The following DNAJB1 variants were observed in gnomAD, a reference collection of about 807,000 sequenced individuals.
DNAJB1 encodes DnaJ heat shock protein family (Hsp40) member B1, also known as dnaJ homolog subfamily B member 1.
A neutral mutation model predicts 24.0 loss-of-function variants in DNAJB1; 14 were observed. That is an observed-to-expected ratio of 0.58 (90% confidence interval 0.39 to 0.91). The LOEUF (loss-of-function observed/expected upper bound fraction) is 0.91. Ranked by LOEUF, DNAJB1 falls within the 40% of genes least tolerant of loss-of-function variation. The probability of loss-of-function intolerance (pLI) is 0.00; values close to 1 mark genes in which losing one functional copy is unlikely to be tolerated. For missense variants in DNAJB1, 517 were observed against 458.1 expected, an observed-to-expected ratio of 1.13 and a Z score of -1.17; for synonymous variants, 262 against 174.4, an observed-to-expected ratio of 1.50 and a Z score of -3.96.
At chr19:14,549,421 C>A (rs953423776) in intron 1 of DNAJB1, among the ~76,000 whole-genome samples, 1 of 152,066 alleles carries the variant, frequency 6.6e-6, no homozygotes, top group South Asian at 2.1e-4. Flanking sequence ...CCATATTGGC[C>A]AGGCTAGTCT....
intron 1 of DNAJB1, among the ~76,000 whole-genome samples, chr19:14,550,032 G>T (rs187548315): frequency 6.6e-6 from 1 of 151,554 alleles, no homozygotes; most frequent in Admixed American, 6.6e-5. Context: ...TTTCCATGTC[G>T]CACGTCACCT....
At chr19:14,535,915 G>C (rs948714552) in intron 1 of DNAJB1, among the ~76,000 whole-genome samples, 63 of 151,988 alleles carry the variant, frequency 4.1e-4, no homozygotes, top group Non-Finnish European at 7.9e-4. Context: ...GCTTTGAGCA[G>C]ATGGTGACTC....
chr19:14,529,500 G>T (rs956376335), upstream of DNAJB1: 1 of 730,114 alleles, frequency 1.4e-6, no homozygotes, highest in Non-Finnish European at 2.5e-6. Context: ...GTTCGGACCG[G>T]CCCCAAGGAG....
At chr19:14,538,897 A>G (rs2072999092) in intron 1 of DNAJB1, among the ~76,000 whole-genome samples, 1 of 151,896 alleles carries the variant, frequency 6.6e-6, no homozygotes, top group Non-Finnish European at 1.5e-5. Flanking sequence ...ATGTCAAATC[A>G]TATGCCCAGA....
upstream of DNAJB1, among the ~76,000 whole-genome samples, chr19:14,518,587 C>T (rs2072322284): frequency 6.6e-6 from 1 of 152,026 alleles, no homozygotes; most frequent in South Asian, 2.1e-4. Context: ...CACGCCCCCT[C>T]CCGCTCCGCC....
At chr19:14,556,398 G>A (rs1177620159) in intron 1 of DNAJB1, among the ~76,000 whole-genome samples, 4 of 99,646 alleles carry the variant, frequency 4.0e-5, no homozygotes, top group East Asian at 4.7e-4. Context: ...GGGCGACAGC[G>A]AGACTCTCTC....
At chr19:14,538,819 C>A (rs1290495064) in intron 1 of DNAJB1, among the ~76,000 whole-genome samples, 1 of 152,044 alleles carries the variant, frequency 6.6e-6, no homozygotes, top group Non-Finnish European at 1.5e-5. Flanking sequence ...GCATGAGCCA[C>A]CACGCCTGGC....
At chr19:14,543,812 C>T (rs1485996843) in intron 1 of DNAJB1, among the ~76,000 whole-genome samples, 1 of 151,814 alleles carries the variant, frequency 6.6e-6, no homozygotes, top group Non-Finnish European at 1.5e-5. Flanking sequence ...GATCGCAGCT[C>T]ATTGCAACCT....
upstream of DNAJB1, among the ~76,000 whole-genome samples, chr19:14,534,744 G>A (rs1231676910): frequency 2.0e-5 from 3 of 152,040 alleles, no homozygotes; most frequent in Admixed American, 2.0e-4. Flanking sequence ...GCCCAGGGGT[G>A]AGTCTTATTA....
At chr19:14,525,411 C>G (rs1455802726) in intron 2 of DNAJB1, among the ~76,000 whole-genome samples, 5 of 151,792 alleles carry the variant, frequency 3.3e-5, no homozygotes, top group Admixed American at 1.3e-4. Context: ...CAGTTAAACC[C>G]TAACTGTCCT....
upstream of DNAJB1, among the ~76,000 whole-genome samples, chr19:14,551,659 G>A (rs1304587427): frequency 2.0e-5 from 3 of 152,060 alleles, no homozygotes; most frequent in African/African-American, 4.8e-5. Context: ...CCTGGGCCCC[G>A]CTGTGGTATG....
At chr19:14,518,065 CGAGAGGG>C in intron 1 of DNAJB1, 67 bp downstream of exon 1, 1 of 1,341,212 alleles carries the variant, frequency 7.5e-7, no homozygotes, top group Non-Finnish European at 9.6e-7. Flanking sequence ...GGGGGGCCGC[CGAGAGGG>C]GCCAGCGTGC....
At chr19:14,528,769 C>T (rs1265258412) in intron 1 of DNAJB1, among the ~76,000 whole-genome samples, 4 of 151,746 alleles carry the variant, frequency 2.6e-5, no homozygotes, top group Non-Finnish European at 1.5e-5. Flanking sequence ...GGGGAAACCC[C>T]GTCTCTACTA....
chr19:14,559,670 C>T (rs1183229283), intron 1 of DNAJB1, among the ~76,000 whole-genome samples: 1 of 151,892 alleles, frequency 6.6e-6, no homozygotes, highest in Admixed American at 6.6e-5. Flanking sequence ...GCCTGTAATC[C>T]CAGCTACTCT....
At chr19:14,550,870 C>T (rs1250950436), upstream of DNAJB1, among the ~76,000 whole-genome samples, 5 of 151,912 alleles carry the variant, frequency 3.3e-5, no homozygotes, top group Non-Finnish European at 7.4e-5. Flanking sequence ...CAGGGTTTCA[C>T]CATGTTAGCC....
intron 1 of DNAJB1, among the ~76,000 whole-genome samples, chr19:14,549,960 A>T (rs2073438731): frequency 1.3e-5 from 2 of 151,928 alleles, no homozygotes; most frequent in Admixed American, 1.3e-4. Context: ...AAAATAAAAA[A>T]AATAAACTAT....
Position 14,516,149 on chromosome 19 carries a change from T to G in DNAJB1, c.814A>C (p.Asn272His). The G allele has an allele frequency of 6.2e-7, 1 of 1,613,564 alleles. No homozygotes were observed. The change falls in exon 3 of 3, where the codon AAC becomes CAC. Residue 272 changes from asparagine (N) to histidine (H), a missense_variant. Coordinates refer to ENST00000254322, the MANE Select transcript of DNAJB1 (RefSeq NM_006145.3). ...LREALCGCTV[N>H]VPTLDGRTIP... ...GTCCTGCCGTCCAGAGTGGGGACGT[T>G]CACTGTGCAGCCACACAGAGCCTTG...
At chr19:14,523,293 A>T (rs1045876431), upstream of DNAJB1, among the ~76,000 whole-genome samples, 4 of 152,146 alleles carry the variant, frequency 2.6e-5, no homozygotes, top group Admixed American at 2.6e-4. Context: ...GGAAGTGAAC[A>T]GGAAATGAAC....
chr19:14,518,013 A>C, intron 1 of DNAJB1, 126 bp downstream of exon 1: 1 of 1,048,056 alleles, frequency 9.5e-7, no homozygotes, highest in Non-Finnish European at 1.3e-6. Context: ...GCGAGGCCGG[A>C]GGGCGGGGCA....
Sources: gnomAD v4.1 joint callset for allele counts (sites outside exome capture counted in the v4.1 genomes callset) on GRCh38, gnomAD v4.1.1 for gene constraint, MANE v1.5 for transcripts, NCBI Gene and HGNC (gene_info 2026-07-23, HGNC 2026-07-21) for gene names.